LRP8: variants seen among roughly 807,000 people sequenced by gnomAD.
LRP8 encodes the protein LDL receptor related protein 8.
Under a neutral mutation model 111.6 loss-of-function variants are expected in LRP8, and 46 were observed. The observed-to-expected ratio is 0.41, with a 90% CI of 0.33 to 0.53. The LOEUF (loss-of-function observed/expected upper bound fraction) is 0.53, where lower values mean the gene tolerates loss of function less well. LRP8 is among the 20% of genes least tolerant of loss of function. LRP8 has a pLI of 0.20. For missense variants in LRP8, 959 were observed against 1,297.4 expected (o/e 0.74, Z 4.01); for synonymous variants, 464 against 511.2 (o/e 0.91, Z 1.24).
At chr1:53,312,756 G>C (rs999355431) in intron 2 of LRP8, among the ~76,000 whole-genome samples, 2 of 152,166 alleles carry the variant, frequency 1.3e-5, no homozygotes, top group Non-Finnish European at 2.9e-5. Flanking sequence ...AGTGGCCAGG[G>C]CTTGGGGGCT....
chr1:53,309,545 G>A (rs1248442169), intron 2 of LRP8, among the ~76,000 whole-genome samples: 1 of 152,176 alleles, frequency 6.6e-6, no homozygotes, highest in Non-Finnish European at 1.5e-5. Flanking sequence ...TCACTGGCAG[G>A]AGCCCCTTGA....
At chr1:53,276,670 G>A (rs1646929449) in intron 5 of LRP8, 22 bp downstream of exon 5, 2 of 1,519,284 alleles carry the variant, frequency 1.3e-6, no homozygotes, top group African/African-American at 1.4e-5. Flanking sequence ...GGGCGGGGCT[G>A]GGCGGTATGG....
chr1:53,245,561 T>C lies in LRP8; in HGVS notation c.*1457A>G, dbSNP rs1433974780. 6.6e-6 allele frequency: 1 copy of C among 152,216 alleles called. No individual in the cohort carries two copies. Among genetic ancestry groups the C allele is most frequent in the African/African-American group, 2.4e-5 (1 of 41,452 alleles). The allele number at this position is 152,216 out of a possible 1,614,324, so 9.4% of individuals were successfully genotyped here. A position where few individuals can be genotyped will look rare whatever the true frequency, so the allele number is the denominator to read the frequency against. On this transcript the variant is annotated 3_prime_UTR_variant, in exon 19 of 19. Coordinates refer to ENST00000306052, the MANE Select transcript of LRP8 (RefSeq NM_004631.5). Reference sequence around the variant, plus strand: ...CTATACATATACCCGGAGTTTTTCCTTTTATTTACAAAGCAGTAAACCAAA... The same window carrying C: ...CTATACATATACCCGGAGTTTTTCCCTTTATTTACAAAGCAGTAAACCAAA...
At position 53,250,906 on chromosome 1, in the gene LRP8, C is replaced by T; in HGVS notation, c.2504-44G>A. 6.4e-7 allele frequency: 1 copy of T among 1,563,766 alleles called. No individual in the cohort carries two copies. The highest frequency in any genetic ancestry group is 1.3e-5 in the African/African-American group (1 of 74,078). ...ACACTGGACCTCCAGCAGGCTCCAA[C>T]CCACTGCTCAGACATCTGTACAAGG... On this transcript the variant is annotated intron_variant, in intron 16 of 18. Transcript: ENST00000306052. This position sits in a 1 kb window ranked among gnomAD's most constrained non-coding sequence, Gnocchi z 4.6.
At chr1:53,269,200 G>C (rs1032236902) in intron 8 of LRP8, among the ~76,000 whole-genome samples, 1 of 152,184 alleles carries the variant, frequency 6.6e-6, no homozygotes, top group African/African-American at 2.4e-5. Context: ...TACTAGGCAT[G>C]CTCCTGCATT....
At chr1:53,305,205 TAGCTA>T (rs1651711877) in intron 2 of LRP8, 1 of 152,212 alleles carries the variant, frequency 6.6e-6, no homozygotes, top group African/African-American at 2.4e-5. Context: ...TGTCCCTTAC[TAGCTA>T]AGCGACCTCA....
intron 9 of LRP8, among the ~76,000 whole-genome samples, 176 bp from the exon 10 acceptor site, chr1:53,264,572 T>TA (rs1327689365): frequency 1.3e-5 from 2 of 152,150 alleles, no homozygotes; most frequent in Non-Finnish European, 2.9e-5. Flanking sequence ...GGTACAGACT[T>TA]ACATGGGCCA....
intron 15 of LRP8, 54 bp downstream of exon 15, chr1:53,257,186 G>T (rs1034170495): frequency 6.4e-7 from 1 of 1,555,944 alleles, no homozygotes; most frequent in Admixed American, 1.7e-5. Flanking sequence ...CCCCTTCCTG[G>T]CTTCCCTAGG....
rs754294640 is a variant in LRP8, at chr1:53,257,356, TGGTTCTG to T, written c.2311_2317del (p.Gln771ThrfsTer8). Reference sequence around the variant, plus strand: ...TGTCAGGCTTGGTGTCTCTGTGCTGTGGTTCTGGTAGGTGGATCTGTGGACGGTGGTC... The same window carrying T: ...TGTCAGGCTTGGTGTCTCTGTGCTGTGTAGGTGGATCTGTGGACGGTGGTC... On this transcript the variant is annotated frameshift_variant, in exon 15 of 19. Transcript: ENST00000306052. LOFTEE classifies it high-confidence loss of function. 1 of 1,614,144 alleles carries T rather than the reference TGGTTCTG, an allele frequency of 6.2e-7. No individual in the cohort carries two copies. The highest frequency in any genetic ancestry group is 8.5e-7 in the Non-Finnish European group (1 of 1,180,016).
At chr1:53,259,479 A>G (rs1646244829) in intron 13 of LRP8, among the ~76,000 whole-genome samples, 1 of 152,108 alleles carries the variant, frequency 6.6e-6, no homozygotes, top group Non-Finnish European at 1.5e-5. Context: ...CTCTCATTTA[A>G]TCCTTGCAAC....
intron 2 of LRP8, among the ~76,000 whole-genome samples, chr1:53,320,158 G>GT (rs1557871201): frequency 6.6e-6 from 1 of 152,266 alleles, no homozygotes; most frequent in Non-Finnish European, 1.5e-5. Context: ...TAGTGTTAAC[G>GT]TGAGTATTTT....
Position 53,276,923 on chromosome 1 carries a change from C to A in LRP8, c.652G>T (p.Gly218Cys). The change falls in exon 5 of 19, where the codon GGC becomes TGC. Residue 218 changes from glycine (G) to cysteine (C), a missense_variant. Gly to Cys is a radical substitution (Grantham distance 159). Coordinates refer to ENST00000306052, the MANE Select transcript of LRP8 (RefSeq NM_004631.5). ...CAGCGCTCCGGGATGCAGGCGCCGC[C>A]GCCATCGCCGCCGCAGCGGAACTCG... ...PREFRCGGDG[G>C]GACIPERWVC... The A allele has an allele frequency of 6.9e-7, 1 of 1,441,758 alleles. No homozygotes were observed. The highest frequency in any genetic ancestry group is 9.1e-7 in the Non-Finnish European group (1 of 1,100,148). 89.3% of individuals were successfully genotyped at this position (1,441,758 alleles called of 1,614,324 possible). A position where few individuals can be genotyped will look rare whatever the true frequency, so the allele number is the denominator to read the frequency against.
At chr1:53,288,637 T>C (rs1258086409) in intron 3 of LRP8, among the ~76,000 whole-genome samples, 1 of 152,046 alleles carries the variant, frequency 6.6e-6, no homozygotes, top group Non-Finnish European at 1.5e-5. Flanking sequence ...TAGATGGGAC[T>C]CCGGTCTCCA....
chr1:53,277,214 G>T, intron 4 of LRP8, 136 bp from the exon 5 acceptor site: 2 of 1,260,492 alleles, frequency 1.6e-6, no homozygotes, highest in Non-Finnish European at 2.0e-6. Flanking sequence ...AATGGTGGAC[G>T]TGCAGTTAGG....
chr1:53,260,033 G>A (rs79053483), intron 13 of LRP8, among the ~76,000 whole-genome samples: 1 of 152,128 alleles, frequency 6.6e-6, no homozygotes, highest in Admixed American at 6.5e-5. Context: ...TATGGCCCTC[G>A]GATACATTAG....
chr1:53,276,284 C>T (rs900457678), intron 5 of LRP8, among the ~76,000 whole-genome samples: 9 of 151,988 alleles, frequency 5.9e-5, no homozygotes, highest in African/African-American at 2.2e-4. Context: ...TGCTGGGGAC[C>T]TGCCCAGCAG....
chr1:53,323,561 C>A (rs1336197988), intron 2 of LRP8, among the ~76,000 whole-genome samples: 2 of 152,256 alleles, frequency 1.3e-5, no homozygotes. Context: ...CCTGGCTGGG[C>A]TTCCTTGGGC....
rs532585474 is a variant in LRP8, at chr1:53,324,613, T to C, written c.244+2260A>G. Among the ~76,000 whole-genome samples the C allele has an allele frequency of 3.9e-5, 6 of 152,284 alleles. No individual in the cohort carries two copies. In the South Asian group the frequency reaches 1.2e-3, roughly 32 times the overall value. ...CAAGCTTGACGTCATTCACTTTTGTTTAATAACTCCCTGCCTATGACTCTA... is the reference window on the plus strand; with the variant it reads ...CAAGCTTGACGTCATTCACTTTTGTCTAATAACTCCCTGCCTATGACTCTA... On this transcript the variant is annotated intron_variant, in intron 2 of 18. Coordinates refer to ENST00000306052, the MANE Select transcript of LRP8 (RefSeq NM_004631.5).
At chr1:53,286,929 C>T (rs1482020778) in intron 3 of LRP8, among the ~76,000 whole-genome samples, 2 of 152,260 alleles carry the variant, frequency 1.3e-5, no homozygotes, top group African/African-American at 4.8e-5. Context: ...TTCTCACAAT[C>T]CCTCTAAGGC....
Sources: gnomAD v4.1 joint callset for allele counts (sites outside exome capture counted in the v4.1 genomes callset) on GRCh38, gnomAD v4.1.1 for gene constraint, Gnocchi (gnomAD v3.1) non-coding constraint, MANE v1.5 for transcripts, NCBI Gene and HGNC (gene_info 2026-07-23, HGNC 2026-07-21) for gene names.